RIT2: variants seen among roughly 807,000 people sequenced by gnomAD.
RIT2 encodes the protein Ras like without CAAX 2, also known as GTP-binding protein Rit2.
Under a neutral mutation model 23.7 loss-of-function variants are expected in RIT2, and 24 were observed. The observed-to-expected ratio is 1.01, with a 90% CI of 0.73 to 1.43. The LOEUF is 1.43. RIT2 is among the 40% of genes most tolerant of loss of function. RIT2 has a pLI of 0.00. For synonymous variants in RIT2, 107 were observed against 91.1 expected, an observed-to-expected ratio of 1.17 and a Z score of -0.99; for missense variants, 236 against 266.9, an observed-to-expected ratio of 0.88 and a Z score of 0.81.
At chr18:43,027,836 G>T (rs775547561) in intron 2 of RIT2, among the ~76,000 whole-genome samples, 2 of 152,188 alleles carry the variant, frequency 1.3e-5, no homozygotes, top group South Asian at 2.1e-4. Context: ...TTTGGGTGGT[G>T]CTTAGCTTAC....
intron 4 of RIT2, among the ~76,000 whole-genome samples, chr18:42,886,287 G>A (rs1353805317): frequency 1.1e-4 from 16 of 152,074 alleles, no homozygotes; most frequent in Admixed American, 1.3e-4. Context: ...ACAGAACTCC[G>A]AAATTCTATT....
intron 4 of RIT2, among the ~76,000 whole-genome samples, chr18:42,907,457 A>C (rs2144114685): frequency 6.6e-6 from 1 of 152,294 alleles, no homozygotes; most frequent in Non-Finnish European, 1.5e-5. Context: ...AGACATTTTC[A>C]ATTTTTACAC....
At chr18:42,925,925 A>G (rs1909169489) in intron 3 of RIT2, among the ~76,000 whole-genome samples, 1 of 151,778 alleles carries the variant, frequency 6.6e-6, no homozygotes, top group African/African-American at 2.4e-5. Context: ...TAGAGACATC[A>G]TAATTCTTTT....
At chr18:43,069,459 C>T (rs997950101) in intron 1 of RIT2, among the ~76,000 whole-genome samples, 1 of 152,120 alleles carries the variant, frequency 6.6e-6, no homozygotes, top group African/African-American at 2.4e-5. Context: ...CTAAATAAGT[C>T]TTCTTGTTAT....
chr18:42,996,600 A>T (rs1445589427), intron 2 of RIT2, among the ~76,000 whole-genome samples: 14 of 151,946 alleles, frequency 9.2e-5, no homozygotes, highest in Admixed American at 5.9e-4. Flanking sequence ...ACTACTGAGC[A>T]CCTTGTGACC....
intron 1 of RIT2, among the ~76,000 whole-genome samples, chr18:43,068,871 C>T (rs1012357054): frequency 2.6e-5 from 4 of 152,008 alleles, no homozygotes; most frequent in African/African-American, 7.2e-5. Flanking sequence ...AACCTTGCTT[C>T]CCTAAACTCA....
At chr18:42,949,383 G>A (rs1276415970) in intron 3 of RIT2, among the ~76,000 whole-genome samples, 1 of 152,060 alleles carries the variant, frequency 6.6e-6, no homozygotes, top group African/African-American at 2.4e-5. Context: ...GTTCAGGGAG[G>A]TAAAGGAAGA....
chr18:42,852,738 G>A (rs1271332075), intron 4 of RIT2, among the ~76,000 whole-genome samples: 5 of 151,694 alleles, frequency 3.3e-5, no homozygotes. Context: ...TCTCTTTTGA[G>A]ACTTTGTTTT....
intron 4 of RIT2, among the ~76,000 whole-genome samples, chr18:42,801,914 G>A (rs554157734): frequency 2.0e-5 from 3 of 152,316 alleles, no homozygotes; most frequent in Admixed American, 1.3e-4. Flanking sequence ...CTCACAGCAC[G>A]GAAAACTGGG....
At chr18:43,027,776 C>T (rs761672448) in intron 2 of RIT2, among the ~76,000 whole-genome samples, 37 of 152,124 alleles carry the variant, frequency 2.4e-4, no homozygotes, top group South Asian at 8.3e-4. Flanking sequence ...CCAGGCTTCA[C>T]GGTTATACTC....
intron 4 of RIT2, among the ~76,000 whole-genome samples, chr18:42,837,133 A>ATTTCTTTTTTTTTCTT (rs1568008805): frequency 1.3e-5 from 1 of 76,808 alleles, no homozygotes; most frequent in Non-Finnish European, 3.1e-5. Context: ...TGCTATAAAA[A>ATTTCTTTTTTTTTCTT]TTTCTTTTTT....
At chr18:42,932,826 C>T (rs953722424) in intron 3 of RIT2, among the ~76,000 whole-genome samples, 9 of 151,050 alleles carry the variant, frequency 6.0e-5, no homozygotes, top group African/African-American at 2.2e-4. Context: ...CCTGTGCATG[C>T]TTCTTAGTCA....
At chr18:43,102,781 G>A (rs1027009332) in intron 1 of RIT2, among the ~76,000 whole-genome samples, 4 of 151,918 alleles carry the variant, frequency 2.6e-5, no homozygotes, top group Admixed American at 2.0e-4. Context: ...AGCTTCCTGA[G>A]TAGCTGGGAC....
intron 1 of RIT2, among the ~76,000 whole-genome samples, chr18:43,050,761 A>AT (rs1331351762): frequency 6.6e-6 from 1 of 152,052 alleles, no homozygotes; most frequent in Non-Finnish European, 1.5e-5. Flanking sequence ...TGAAGCTTCC[A>AT]TAAAAAACCC....
intron 4 of RIT2, among the ~76,000 whole-genome samples, chr18:42,894,741 GGAA>G (rs1291732948): frequency 6.6e-6 from 1 of 152,138 alleles, no homozygotes; most frequent in Non-Finnish European, 1.5e-5. Flanking sequence ...ACTGCTGTGG[GGAA>G]GAAATTATAC....
At chr18:43,107,054 A>G (rs1193227925) in intron 1 of RIT2, among the ~76,000 whole-genome samples, 1 of 152,202 alleles carries the variant, frequency 6.6e-6, no homozygotes, top group Non-Finnish European at 1.5e-5. Flanking sequence ...CAATGTGTAC[A>G]GTCGCAATCC....
intron 4 of RIT2, among the ~76,000 whole-genome samples, chr18:42,786,686 C>T (rs546379803): frequency 5.3e-4 from 80 of 152,094 alleles, no homozygotes; most frequent in Non-Finnish European, 9.4e-4. Flanking sequence ...TTCATGTGAA[C>T]TCTTTGCTCC....
At chr18:42,910,112 C>T (rs1383122895) in intron 4 of RIT2, among the ~76,000 whole-genome samples, 2 of 152,052 alleles carry the variant, frequency 1.3e-5, no homozygotes, top group Admixed American at 6.6e-5. Context: ...AACATAAATA[C>T]ATCAAAATAG....
At chr18:43,056,999 T>C (rs1401670458) in intron 1 of RIT2, among the ~76,000 whole-genome samples, 4 of 139,134 alleles carry the variant, frequency 2.9e-5, no homozygotes, top group African/African-American at 1.1e-4. Context: ...ATGAAATTCC[T>C]TGTTCTTGTT....
Sources: allele counts gnomAD v4.1 joint callset (sites outside exome capture counted in the v4.1 genomes callset), GRCh38; gene constraint gnomAD v4.1.1; transcripts MANE v1.5; gene names NCBI Gene and HGNC (gene_info 2026-07-23, HGNC 2026-07-21).